The following NAALAD2 variants were observed in gnomAD, a reference collection of about 807,000 sequenced individuals.
The protein encoded by NAALAD2 is N-acetylated-alpha-linked acidic dipeptidase 2.
Under a neutral mutation model 95.6 loss-of-function variants are expected in NAALAD2, and 89 were observed. The observed-to-expected ratio is 0.93, with a 90% CI of 0.78 to 1.11. The LOEUF is 1.11. NAALAD2 is among the 50% of genes least tolerant of loss of function. The probability of loss-of-function intolerance (pLI) is 0.00; values close to 1 mark genes in which losing one functional copy is unlikely to be tolerated. For synonymous variants in NAALAD2, 264 were observed against 294.4 expected (o/e 0.90, Z 1.06); for missense variants, 894 against 872.4 (o/e 1.02, Z -0.31).
chr11:90,170,840 T>C (rs970483590), intron 13 of NAALAD2, among the ~76,000 whole-genome samples: 2 of 152,122 alleles, frequency 1.3e-5, no homozygotes, highest in Non-Finnish European at 2.9e-5. Context: ...AAAGAACGTA[T>C]TTCCTGATCT....
intron 6 of NAALAD2, among the ~76,000 whole-genome samples, chr11:90,156,903 A>G (rs1952132859): frequency 6.6e-6 from 1 of 152,120 alleles, no homozygotes; most frequent in Non-Finnish European, 1.5e-5. Context: ...TTAATTTTAA[A>G]ATATTTGAGG....
intron 2 of NAALAD2, among the ~76,000 whole-genome samples, chr11:90,143,091 AT>A (rs1951662806): frequency 1.3e-5 from 2 of 152,056 alleles, no homozygotes; most frequent in African/African-American, 4.8e-5. Flanking sequence ...TTAATGTTAT[AT>A]TTTTTCTTTG....
intron 11 of NAALAD2, chr11:90,164,474 G>C (rs750942990): frequency 1.3e-5 from 2 of 152,114 alleles, no homozygotes; most frequent in Non-Finnish European, 2.9e-5. Flanking sequence ...GATTTCTCTA[G>C]TTGGCATTTC....
chr11:90,182,977 C>G lies in NAALAD2; in HGVS notation c.2002C>G (p.Pro668Ala), dbSNP rs1180406780. ...LMLLERAFID[P>A]LGLPGKLFYR... ...GCTCCTGGAAAGAGCATTCATCGATCCTCTTGGTTTACCAGGAAAGCTGTT... is the reference window on the plus strand; with the variant it reads ...GCTCCTGGAAAGAGCATTCATCGATGCTCTTGGTTTACCAGGAAAGCTGTT... Residue 668 changes from proline to alanine, a missense_variant, in exon 18 of 19, where the codon CCT becomes GCT. Pro to Ala is a conservative substitution (Grantham distance 27). Transcript: ENST00000534061. The G allele has an allele frequency of 6.2e-7, 1 of 1,612,802 alleles. No individual in the cohort carries two copies. The highest frequency in any genetic ancestry group is 1.7e-5 in the Admixed American group (1 of 59,982).
intron 13 of NAALAD2, among the ~76,000 whole-genome samples, chr11:90,172,838 A>G (rs2134957415): frequency 6.6e-6 from 1 of 152,304 alleles, no homozygotes; most frequent in African/African-American, 2.4e-5. Context: ...TAAAGGCCAG[A>G]GAAAATACCA....
chr11:90,145,745 G>A (rs182928293), intron 2 of NAALAD2, among the ~76,000 whole-genome samples: 4 of 152,222 alleles, frequency 2.6e-5, no homozygotes, highest in African/African-American at 9.6e-5. Context: ...AGGTAGATGG[G>A]ACAATATTTT....
In NAALAD2 at chr11:90,148,610, C is replaced by T. The variant is rs576398300; in HGVS notation, c.382-396C>T. ...AAAATTCTGATACTTAATGAAGTGT[C>T]GCAGGGAGGGAGTACAGAGGCAAGC... On this transcript the variant is annotated intron_variant, in intron 3 of 18. Transcript: ENST00000534061. 1.7e-4 allele frequency among the ~76,000 whole-genome samples: 26 copies of T among 151,940 alleles called. No individual in the cohort carries two copies. In the South Asian group the frequency reaches 4.6e-3, roughly 27 times the overall value.
chr11:90,178,588 G>A (rs1027389865), intron 16 of NAALAD2, among the ~76,000 whole-genome samples: 9 of 151,610 alleles, frequency 5.9e-5, no homozygotes, highest in Admixed American at 3.3e-4. Flanking sequence ...GGAGAATGGC[G>A]TGAACCTGGG....
intron 2 of NAALAD2, 121 bp from the exon 3 acceptor site, chr11:90,147,209 A>G: frequency 1.3e-6 from 1 of 743,792 alleles, no homozygotes; most frequent in Non-Finnish European, 2.1e-6. Context: ...TGTTTCTTTT[A>G]TCTGTCATAT....
intron 18 of NAALAD2, among the ~76,000 whole-genome samples, chr11:90,189,699 G>C (rs2135002755): frequency 6.6e-6 from 1 of 152,086 alleles, no homozygotes; most frequent in Middle Eastern, 3.4e-3. Flanking sequence ...AGCCCAGGAG[G>C]TGGAGGTTGC....
At chr11:90,142,408 T>C (rs976669019) in intron 2 of NAALAD2, among the ~76,000 whole-genome samples, 1 of 152,200 alleles carries the variant, frequency 6.6e-6, no homozygotes, top group Admixed American at 6.5e-5. Flanking sequence ...TGAAATGTGC[T>C]TAGTTATCTT....
At chr11:90,155,459 T>A (rs189008740) in intron 6 of NAALAD2, among the ~76,000 whole-genome samples, 5,495 of 104,928 alleles carry the variant, frequency 0.052, 555 homozygotes, top group African/African-American at 0.2. Flanking sequence ...ATGTAATATG[T>A]AATATTACAT....
chr11:90,169,685 A>C (rs1952578311), intron 12 of NAALAD2: 1 of 178,930 alleles, frequency 5.6e-6, no homozygotes, highest in Non-Finnish European at 1.2e-5. Context: ...GAACCTAATA[A>C]TTACTGACAT....
At chr11:90,188,679 G>T (rs1857232748) in intron 18 of NAALAD2, among the ~76,000 whole-genome samples, 1 of 152,172 alleles carries the variant, frequency 6.6e-6, no homozygotes, top group African/African-American at 2.4e-5. Context: ...CGAATTTGGG[G>T]AATGAACACA....
intron 18 of NAALAD2, among the ~76,000 whole-genome samples, chr11:90,184,692 T>TC (rs1329668621): frequency 6.6e-6 from 1 of 151,934 alleles, no homozygotes; most frequent in Non-Finnish European, 1.5e-5. Context: ...TCTTCAGCAT[T>TC]CCCCCCTTGC....
chr11:90,133,842 T>C (rs1443487193), upstream of NAALAD2, among the ~76,000 whole-genome samples: 1 of 150,118 alleles, frequency 6.7e-6, no homozygotes, highest in African/African-American at 2.5e-5. Context: ...TTTTTTTTTG[T>C]TTGTTTGTTT....
intron 13 of NAALAD2, among the ~76,000 whole-genome samples, chr11:90,173,046 A>G (rs940845964): frequency 6.6e-6 from 1 of 152,220 alleles, no homozygotes; most frequent in South Asian, 2.1e-4. Flanking sequence ...GTAGTAGTCT[A>G]GATTTAAAAT....
At chr11:90,187,659 A>T (rs1469789103) in intron 18 of NAALAD2, among the ~76,000 whole-genome samples, 2 of 152,206 alleles carry the variant, frequency 1.3e-5, no homozygotes, top group African/African-American at 4.8e-5. Context: ...ATATCAGGTT[A>T]AAAATGATCT....
chr11:90,185,875 A>G (rs1208298288), intron 18 of NAALAD2, among the ~76,000 whole-genome samples: 2 of 68,374 alleles, frequency 2.9e-5, no homozygotes, highest in Non-Finnish European at 6.4e-5. Context: ...TTTTTTTTTT[A>G]TATACATTTA....
Sources: gnomAD v4.1 joint callset for allele counts (sites outside exome capture counted in the v4.1 genomes callset) on GRCh38, gnomAD v4.1.1 for gene constraint, MANE v1.5 for transcripts, NCBI Gene and HGNC (gene_info 2026-07-23, HGNC 2026-07-21) for gene names.